Variants in CTNNA3 observed in about 807,000 individuals in gnomAD.
CTNNA3 encodes the protein catenin alpha 3, also known as catenin alpha-3.
A neutral mutation model predicts 95.7 loss-of-function variants in CTNNA3; 76 were observed. That is an observed-to-expected ratio of 0.79 (90% CI 0.66 to 0.96). The LOEUF is 0.96. Ranked by LOEUF, CTNNA3 falls within the 40% of genes least tolerant of loss-of-function variation. The pLI, the probability that CTNNA3 is intolerant of heterozygous loss-of-function variation, is 0.00. For synonymous variants in CTNNA3, 431 were observed against 374.4 expected (o/e 1.15, Z -1.74); for missense variants, 1,191 against 1,089.8 (o/e 1.09, Z -1.31).
At chr10:66,988,019 C>T (rs563733950) in intron 7 of CTNNA3, among the ~76,000 whole-genome samples, 5 of 152,202 alleles carry the variant, frequency 3.3e-5, no homozygotes, top group Admixed American at 2.0e-4. Flanking sequence ...AGTATCAAAA[C>T]TTTATTTAAT....
At chr10:67,333,692 T>C (rs116992064) in intron 5 of CTNNA3, among the ~76,000 whole-genome samples, 8 of 152,290 alleles carry the variant, frequency 5.3e-5, no homozygotes, top group Non-Finnish European at 1.2e-4. Flanking sequence ...AAAAAGAACA[T>C]TGAAACTAAA....
chr10:66,404,448 C>A (rs145743912), intron 11 of CTNNA3, among the ~76,000 whole-genome samples: 1 of 152,108 alleles, frequency 6.6e-6, no homozygotes, highest in Non-Finnish European at 1.5e-5. Context: ...AAACTCCTAG[C>A]GCATACTTAT....
At chr10:67,418,660 TAG>T (rs1289060379) in intron 5 of CTNNA3, among the ~76,000 whole-genome samples, 2 of 151,944 alleles carry the variant, frequency 1.3e-5, no homozygotes, top group Non-Finnish European at 2.9e-5. Flanking sequence ...CTCACACAAG[TAG>T]AGAGTAGAAT....
At chr10:66,649,024 A>G (rs562291021) in intron 9 of CTNNA3, among the ~76,000 whole-genome samples, 31 of 152,272 alleles carry the variant, frequency 2.0e-4, no homozygotes, top group African/African-American at 7.5e-4. Context: ...AGGCAGTAGA[A>G]AAACACCCAC....
At chr10:66,506,859 A>G (rs1840466583) in intron 11 of CTNNA3, among the ~76,000 whole-genome samples, 1 of 152,168 alleles carries the variant, frequency 6.6e-6, no homozygotes, top group African/African-American at 2.4e-5. Flanking sequence ...AGAATAATGT[A>G]TAAGTGCAAT....
At chr10:67,442,126 A>G (rs1387816605) in intron 5 of CTNNA3, among the ~76,000 whole-genome samples, 1 of 152,160 alleles carries the variant, frequency 6.6e-6, no homozygotes, top group Non-Finnish European at 1.5e-5. Flanking sequence ...TTTTTTGTTT[A>G]TGCAATCAGT....
intron 9 of CTNNA3, among the ~76,000 whole-genome samples, chr10:66,662,647 C>G: frequency 6.6e-6 from 1 of 152,074 alleles, no homozygotes; most frequent in East Asian, 1.9e-4. Context: ...GCACCAGATC[C>G]CATCTCCTTT....
chr10:66,159,528 C>T (rs1197891556), intron 13 of CTNNA3, among the ~76,000 whole-genome samples: 3 of 150,322 alleles, frequency 2.0e-5, no homozygotes, highest in African/African-American at 7.3e-5. Flanking sequence ...GGTAGATTAT[C>T]TTTTTGATAT....
intron 5 of CTNNA3, among the ~76,000 whole-genome samples, chr10:67,478,358 A>AT (rs1431365270): frequency 6.6e-6 from 1 of 152,076 alleles, no homozygotes; most frequent in Non-Finnish European, 1.5e-5. Context: ...TCAATGTTAT[A>AT]AAAAAAATCT....
At chr10:65,966,208 A>G (rs998543780) in intron 17 of CTNNA3, among the ~76,000 whole-genome samples, 7 of 152,192 alleles carry the variant, frequency 4.6e-5, no homozygotes, top group African/African-American at 1.2e-4. Flanking sequence ...AAATAGGGGG[A>G]AAATGAATAT....
intron 13 of CTNNA3, among the ~76,000 whole-genome samples, chr10:66,160,128 G>A (rs182560016): frequency 2.4e-4 from 37 of 151,856 alleles, no homozygotes; most frequent in Non-Finnish European, 4.0e-4. Flanking sequence ...CAAAGGACCC[G>A]TTTTTTGTTT....
chr10:66,706,806 G>A (rs920591752), intron 9 of CTNNA3, among the ~76,000 whole-genome samples: 2 of 151,948 alleles, frequency 1.3e-5, no homozygotes, highest in Non-Finnish European at 2.9e-5. Flanking sequence ...AGAAGTTTCA[G>A]TTTGTCTGTA....
At chr10:67,506,799 T>C (rs981114480) in intron 5 of CTNNA3, among the ~76,000 whole-genome samples, 1 of 152,202 alleles carries the variant, frequency 6.6e-6, no homozygotes, top group African/African-American at 2.4e-5. Flanking sequence ...TATGAGTGTA[T>C]TTGAGATTAT....
chr10:67,365,803 T>G (rs1032704845), intron 5 of CTNNA3, among the ~76,000 whole-genome samples: 4 of 152,210 alleles, frequency 2.6e-5, no homozygotes, highest in African/African-American at 4.8e-5. Context: ...TCAACTATTG[T>G]GGAAGACAGT....
chr10:67,584,840 C>T (rs1041316603), intron 3 of CTNNA3, among the ~76,000 whole-genome samples: 2 of 152,232 alleles, frequency 1.3e-5, no homozygotes, highest in Admixed American at 1.3e-4. Flanking sequence ...ATGAGCGAGG[C>T]TCCATGGGCA....
At chr10:67,252,265 A>G (rs1866142729) in intron 5 of CTNNA3, among the ~76,000 whole-genome samples, 1 of 151,360 alleles carries the variant, frequency 6.6e-6, no homozygotes, top group African/African-American at 2.4e-5. Flanking sequence ...TAAGGTAGCT[A>G]TTACGTGGAG....
intron 17 of CTNNA3, among the ~76,000 whole-genome samples, chr10:65,925,181 A>G (rs1031601749): frequency 1.3e-5 from 2 of 152,248 alleles, no homozygotes; most frequent in African/African-American, 4.8e-5. Flanking sequence ...ATTCTACCCA[A>G]ACACTAGTCT....
chr10:67,457,268 C>T (rs1355740470), intron 5 of CTNNA3, among the ~76,000 whole-genome samples: 1 of 152,070 alleles, frequency 6.6e-6, no homozygotes, highest in African/African-American at 2.4e-5. Context: ...CATAACCAAG[C>T]AAGGCACTCA....
chr10:66,207,212 C>T (rs2087819714), intron 13 of CTNNA3, among the ~76,000 whole-genome samples: 1 of 151,500 alleles, frequency 6.6e-6, no homozygotes, highest in Non-Finnish European at 1.5e-5. Context: ...ATCTACCTAT[C>T]TATATATAGA....
Sources: gnomAD v4.1 joint callset for allele counts (sites outside exome capture counted in the v4.1 genomes callset) on GRCh38, gnomAD v4.1.1 for gene constraint, MANE v1.5 for transcripts, NCBI Gene and HGNC (gene_info 2026-07-23, HGNC 2026-07-21) for gene names.